The following ITPK1 variants were observed in gnomAD, a reference collection of about 807,000 sequenced individuals.
ITPK1 encodes inositol 1,3,4-trisphosphate 5/6-kinase.
In ITPK1, 21 loss-of-function variants were observed where a neutral mutation model predicts 45.3. The ratio of observed to expected loss-of-function variants is 0.46; its 90% CI spans 0.33 to 0.67. The LOEUF (loss-of-function observed/expected upper bound fraction) is 0.67, where lower values mean the gene tolerates loss of function less well. ITPK1 is among the 30% of genes least tolerant of loss of function. ITPK1 has a pLI of 0.02. For synonymous variants in ITPK1, 258 were observed against 253.6 expected (o/e 1.02, Z -0.16); for missense variants, 474 against 573.5 (o/e 0.83, Z 1.77).
At chr14:93,099,953 G>C (rs1421349698) in intron 2 of ITPK1, among the ~76,000 whole-genome samples, 1 of 152,222 alleles carries the variant, frequency 6.6e-6, no homozygotes, top group Non-Finnish European at 1.5e-5. Context: ...TGGAAGCTGA[G>C]GGAGAGCAGC....
rs1328258710 is a variant in ITPK1, at chr14:93,006,128, A to G, written c.246+10548T>C. Among the ~76,000 whole-genome samples the G allele has an allele frequency of 2.0e-5, 3 of 152,110 alleles. No individual in the cohort carries two copies. The East Asian group carries it at 5.8e-4, about 29-fold the overall frequency. On this transcript the variant is annotated intron_variant, in intron 4 of 10. Transcript: ENST00000267615. The stretch of plus-strand genomic sequence containing the variant: ...AAATGCATGTGCCAGCTCGTTCAGG[A>G]CTGCTGAGAGCCGAGCAGTGGTGCG...
chr14:93,021,953 G>A (rs999114630), intron 3 of ITPK1, among the ~76,000 whole-genome samples: 6 of 152,226 alleles, frequency 3.9e-5, no homozygotes, highest in Admixed American at 2.0e-4. Flanking sequence ...GCAAACTCGT[G>A]AAGGCATAAG....
chr14:92,948,292 G>A (rs1488195507), intron 9 of ITPK1, among the ~76,000 whole-genome samples: 1 of 152,166 alleles, frequency 6.6e-6, no homozygotes, highest in Non-Finnish European at 1.5e-5. Context: ...ACACTGTGAA[G>A]GTACTAATTG....
At position 93,076,669 on chromosome 14, in the gene ITPK1, G is replaced by T; in HGVS notation, c.96-50C>A. The T allele has an allele frequency of 3.1e-6, 5 of 1,612,296 alleles. No homozygotes were observed. The highest frequency in any genetic ancestry group is 4.2e-6 in the Non-Finnish European group (5 of 1,178,404). The stretch of plus-strand genomic sequence containing the variant: ...AGCGTTACTCCAGCAGGCTGGACAC[G>T]TCCTTTCCGAAGGTTCCCGACAGCC... On this transcript the variant is annotated intron_variant, in intron 2 of 10. Transcript: ENST00000267615. The surrounding 1 kb of genome is among the most constrained non-coding windows in gnomAD (Gnocchi z 4.3).
chr14:93,057,843 G>A (rs896333484), intron 3 of ITPK1, among the ~76,000 whole-genome samples: 5 of 152,204 alleles, frequency 3.3e-5, no homozygotes, highest in Admixed American at 6.5e-5. Flanking sequence ...GCTTGGTGGC[G>A]CTAGGCACCT....
intron 3 of ITPK1, among the ~76,000 whole-genome samples, chr14:93,056,509 G>A (rs1212670649): frequency 6.6e-6 from 1 of 152,218 alleles, no homozygotes; most frequent in Non-Finnish European, 1.5e-5. Flanking sequence ...TAGGGAAGCA[G>A]AATTAGGAGA....
At position 93,012,832 on chromosome 14, in the gene ITPK1, C is replaced by A. The variant is rs1028912143; in HGVS notation, c.246+3844G>T. 1.3e-5 allele frequency among the ~76,000 whole-genome samples: 2 copies of A among 152,216 alleles called. No homozygotes were observed. The highest frequency in any genetic ancestry group is 2.9e-5 in the Non-Finnish European group (2 of 68,020). ...TAGTCCTAAGCTTATTCAGGGAGAA[C>A]CCCAGGAAGGTCCCCCGAGGCAGCC... On this transcript the variant is annotated intron_variant, in intron 4 of 10. Coordinates refer to ENST00000267615, the MANE Select transcript of ITPK1 (RefSeq NM_014216.6). The surrounding 1 kb of genome is among the most constrained non-coding windows in gnomAD (Gnocchi z 4.9).
chr14:93,019,456 C>T (rs1452827790), intron 3 of ITPK1, among the ~76,000 whole-genome samples: 2 of 152,236 alleles, frequency 1.3e-5, no homozygotes, highest in Non-Finnish European at 2.9e-5. Context: ...GGAAACGGGC[C>T]ACCCTCCTTT....
At chr14:93,114,975 C>T in intron 2 of ITPK1, 94 bp downstream of exon 2, 1 of 677,442 alleles carries the variant, frequency 1.5e-6, no homozygotes, top group Non-Finnish European at 2.3e-6. Context: ...CTCCGATCTC[C>T]CAAAACAACT....
At chr14:93,088,090 T>C (rs1331836207) in intron 2 of ITPK1, among the ~76,000 whole-genome samples, 2 of 152,218 alleles carry the variant, frequency 1.3e-5, no homozygotes, top group South Asian at 2.1e-4. Context: ...CCCGAGAGAC[T>C]CTCCAGTTTC....
chr14:93,002,328 A>G (rs964158047), intron 4 of ITPK1, among the ~76,000 whole-genome samples: 4 of 152,198 alleles, frequency 2.6e-5, no homozygotes, highest in African/African-American at 9.7e-5. Context: ...CATTACAGTG[A>G]GACCCTGTCT....
chr14:93,037,974 C>T (rs1365152842), intron 3 of ITPK1, among the ~76,000 whole-genome samples: 1 of 152,120 alleles, frequency 6.6e-6, no homozygotes, highest in Non-Finnish European at 1.5e-5. Context: ...TTTGCTAAAA[C>T]TGAAATTATA....
At chr14:92,971,918 C>A (rs1885676666) in intron 5 of ITPK1, among the ~76,000 whole-genome samples, 1 of 152,194 alleles carries the variant, frequency 6.6e-6, no homozygotes, top group African/African-American at 2.4e-5. Context: ...AGCACAGCAC[C>A]CCCAGCCTGC....
chr14:93,114,940 C>G (rs1290198554), intron 2 of ITPK1, 129 bp downstream of exon 2: 1 of 524,072 alleles, frequency 1.9e-6, no homozygotes, highest in Non-Finnish European at 3.2e-6. Flanking sequence ...CTCAGTCTCC[C>G]CGCGCGCCGC....
At chr14:93,059,371 G>A in intron 3 of ITPK1, among the ~76,000 whole-genome samples, 1 of 56,524 alleles carries the variant, frequency 1.8e-5, no homozygotes, top group East Asian at 4.9e-4. Flanking sequence ...GGGTGGAGGG[G>A]GGTGTGGGTC....
intron 3 of ITPK1, among the ~76,000 whole-genome samples, chr14:93,040,915 T>C (rs1566751257): frequency 6.6e-6 from 1 of 152,122 alleles, no homozygotes; most frequent in Non-Finnish European, 1.5e-5. Context: ...TCTTCTCCCC[T>C]GTAAAAAAGG....
intron 10 of ITPK1, among the ~76,000 whole-genome samples, chr14:92,942,983 G>A (rs74702991): frequency 0.033 from 4,985 of 152,292 alleles, 278 homozygotes; most frequent in African/African-American, 0.11. Context: ...AGTGCCCAGG[G>A]GCCTGGAAGA....
intron 4 of ITPK1, among the ~76,000 whole-genome samples, chr14:92,999,408 AG>A (rs1433287180): frequency 1.3e-5 from 2 of 152,218 alleles, no homozygotes; most frequent in Non-Finnish European, 2.9e-5. Context: ...TCCTTCACTC[AG>A]GACCCAGGGG....
intron 9 of ITPK1, among the ~76,000 whole-genome samples, chr14:92,949,589 G>A (rs1887861062): frequency 6.6e-6 from 1 of 152,242 alleles, no homozygotes; most frequent in South Asian, 2.1e-4. Flanking sequence ...TCTGGGCCTT[G>A]TTTTCTTGCC....
Sources: allele counts gnomAD v4.1 joint callset (sites outside exome capture counted in the v4.1 genomes callset), GRCh38; gene constraint gnomAD v4.1.1; non-coding constraint Gnocchi (gnomAD v3.1); transcripts MANE v1.5; gene names NCBI Gene and HGNC (gene_info 2026-07-23, HGNC 2026-07-21).